EPB41L4A: variants seen among roughly 807,000 people sequenced by gnomAD.
EPB41L4A encodes band 4.1-like protein 4A.
A neutral mutation model predicts 108.6 loss-of-function variants in EPB41L4A; 100 were observed. The observed-to-expected ratio is 0.92, with a 90% CI of 0.78 to 1.09. The LOEUF (loss-of-function observed/expected upper bound fraction) is 1.09. Ranked by LOEUF, EPB41L4A falls within the 50% of genes least tolerant of loss-of-function variation. The probability of loss-of-function intolerance (pLI) is 0.00; values close to 1 mark genes in which losing one functional copy is unlikely to be tolerated. For synonymous variants in EPB41L4A, 319 were observed against 289.0 expected (o/e 1.10, Z -1.05); for missense variants, 1,030 against 842.7 (o/e 1.22, Z -2.75).
intron 1 of EPB41L4A, among the ~76,000 whole-genome samples, chr5:112,346,215 CATT>C (rs1365522279): frequency 8.2e-5 from 4 of 49,068 alleles, no homozygotes; most frequent in Middle Eastern, 0.031. Flanking sequence ...AGGTACATTG[CATT>C]TTTTTTTTTT....
intron 3 of EPB41L4A, among the ~76,000 whole-genome samples, chr5:112,277,644 C>T (rs1561534111): frequency 1.3e-5 from 2 of 152,256 alleles, no homozygotes; most frequent in South Asian, 2.1e-4. Context: ...TAGGGCTCAG[C>T]ACTTTGGGGT....
chr5:112,230,965 A>C (rs1479977339), intron 12 of EPB41L4A, among the ~76,000 whole-genome samples: 1 of 152,228 alleles, frequency 6.6e-6, no homozygotes, highest in African/African-American at 2.4e-5. Context: ...AATCAGACTG[A>C]AAGGTGGTCT....
chr5:112,143,368 G>T (rs1759133940), exon 14 of EPB41L4A: 1 of 152,314 alleles, frequency 6.6e-6, no homozygotes, highest in African/African-American at 2.4e-5. Context: ...TTAATGGATT[G>T]TTGCTACTTT....
chr5:112,320,901 A>G (rs1453404331), intron 1 of EPB41L4A, among the ~76,000 whole-genome samples: 1 of 152,180 alleles, frequency 6.6e-6, no homozygotes, highest in Non-Finnish European at 1.5e-5. Flanking sequence ...AAACTCTGCT[A>G]CTTCATTCAT....
At chr5:112,348,296 A>G (rs987756941) in intron 1 of EPB41L4A, among the ~76,000 whole-genome samples, 6 of 152,206 alleles carry the variant, frequency 3.9e-5, no homozygotes, top group African/African-American at 1.4e-4. Flanking sequence ...AAAGTTATGC[A>G]GTATATATGA....
intron 9 of EPB41L4A, among the ~76,000 whole-genome samples, chr5:112,246,195 C>CT (rs1037210317): frequency 1.3e-5 from 2 of 151,974 alleles, no homozygotes; most frequent in South Asian, 2.1e-4. Flanking sequence ...TTTTAGTTTT[C>CT]TTTTTTTAAA....
At chr5:112,177,050 C>T (rs898956101) in intron 18 of EPB41L4A, among the ~76,000 whole-genome samples, 3 of 152,008 alleles carry the variant, frequency 2.0e-5, no homozygotes, top group Non-Finnish European at 4.4e-5. Context: ...CCACCGTCCC[C>T]GGCCAGCAAC....
rs1284606818 is a variant in EPB41L4A, at chr5:112,170,325, T to C, written c.1715A>G (p.Lys572Arg). Residue 572 changes from lysine to arginine, a missense_variant, in exon 20 of 23, where the codon AAA becomes AGA. Transcript: ENST00000261486. ...CTCTATTTTAGTGTATGGAATCTCT[T>C]TTAATTGTTCTTCGGACAATCCGGA... is the stretch of plus-strand genomic sequence containing the variant. ...DPSGLSEEQL[K>R]EIPYTKIETQ... The C allele has an allele frequency of 1.2e-6, 2 of 1,613,354 alleles. No homozygotes were observed. Among genetic ancestry groups the C allele is most frequent in the Non-Finnish European group, 1.7e-6 (2 of 1,179,738 alleles).
chr5:112,279,171 T>C (rs965352796), intron 3 of EPB41L4A, among the ~76,000 whole-genome samples: 1 of 151,756 alleles, frequency 6.6e-6, no homozygotes, highest in Non-Finnish European at 1.5e-5. Flanking sequence ...TAAACTCCAG[T>C]GGTTTCCACT....
chr5:112,161,029 G>A (rs1759861385), downstream of EPB41L4A: 1 of 158,208 alleles, frequency 6.3e-6, no homozygotes, highest in African/African-American at 2.4e-5. Flanking sequence ...GAAGTGTCCG[G>A]GGCCGTGAAC....
intron 1 of EPB41L4A, among the ~76,000 whole-genome samples, chr5:112,399,268 AC>A (rs1272882909): frequency 6.6e-6 from 1 of 151,226 alleles, no homozygotes; most frequent in African/African-American, 2.4e-5. Flanking sequence ...GCCTCCTGTC[AC>A]CCCCATTCAG....
intron 22 of EPB41L4A, among the ~76,000 whole-genome samples, chr5:112,167,335 A>G (rs949033277): frequency 6.6e-6 from 1 of 152,210 alleles, no homozygotes; most frequent in Non-Finnish European, 1.5e-5. Context: ...TTGAAAAAGT[A>G]CTGTCAACTT....
intron 22 of EPB41L4A, among the ~76,000 whole-genome samples, chr5:112,165,692 C>A (rs78247040): frequency 6.6e-6 from 1 of 152,104 alleles, no homozygotes; most frequent in Non-Finnish European, 1.5e-5. Context: ...TATGCGAACC[C>A]CTCCTCCTCT....
chr5:112,342,595 G>T (rs150795795), intron 1 of EPB41L4A, among the ~76,000 whole-genome samples: 12 of 152,262 alleles, frequency 7.9e-5, no homozygotes, highest in African/African-American at 2.4e-4. Context: ...AGAGCTGAGG[G>T]TCTATTGTTC....
At chr5:112,393,376 C>A (rs1027720735) in intron 1 of EPB41L4A, among the ~76,000 whole-genome samples, 3 of 152,018 alleles carry the variant, frequency 2.0e-5, no homozygotes, top group African/African-American at 7.3e-5. Context: ...AGAGAAGAAT[C>A]AAACAGACGC....
At chr5:112,396,777 A>G (rs1761380951) in intron 1 of EPB41L4A, among the ~76,000 whole-genome samples, 1 of 152,232 alleles carries the variant, frequency 6.6e-6, no homozygotes. Flanking sequence ...CGTGCCTTGT[A>G]TAATCTAGTC....
At chr5:112,241,906 C>A (rs1749810322) in intron 9 of EPB41L4A, among the ~76,000 whole-genome samples, 1 of 152,082 alleles carries the variant, frequency 6.6e-6, no homozygotes, top group South Asian at 2.1e-4. Context: ...ACACTGTAGT[C>A]TATTAAGTAT....
chr5:112,346,403 T>C (rs1413423538), intron 1 of EPB41L4A, among the ~76,000 whole-genome samples: 2 of 151,746 alleles, frequency 1.3e-5, no homozygotes, highest in South Asian at 2.1e-4. Context: ...TTTGTATTTT[T>C]AGTAGAGATG....
At chr5:112,156,916 C>T (rs1269912643) in intron 12 of EPB41L4A, among the ~76,000 whole-genome samples, 1 of 152,108 alleles carries the variant, frequency 6.6e-6, no homozygotes, top group Non-Finnish European at 1.5e-5. Flanking sequence ...ACTTTACAAT[C>T]TAATTCTAAA....
Sources: gnomAD v4.1 joint callset for allele counts (sites outside exome capture counted in the v4.1 genomes callset) on GRCh38, gnomAD v4.1.1 for gene constraint, MANE v1.5 for transcripts, NCBI Gene and HGNC (gene_info 2026-07-23, HGNC 2026-07-21) for gene names.